GABBR2: variants seen among roughly 807,000 people sequenced by gnomAD.
GABBR2 encodes gamma-aminobutyric acid type B receptor subunit 2, also known as G-protein coupled receptor 51.
In GABBR2, 23 loss-of-function variants were observed where a neutral mutation model predicts 105.6. The observed-to-expected ratio is 0.22, with a 90% CI of 0.16 to 0.31. The LOEUF is 0.31. Ranked by LOEUF, GABBR2 falls within the 10% of genes least tolerant of loss-of-function variation. The pLI, the probability that GABBR2 is intolerant of heterozygous loss-of-function variation, is 1.00. For missense variants in GABBR2, 734 were observed against 1,245.5 expected, an observed-to-expected ratio of 0.59 and a Z score of 6.18; for synonymous variants, 478 against 499.7, an observed-to-expected ratio of 0.96 and a Z score of 0.58.
At chr9:98,634,081 A>C (rs1829849007) in intron 1 of GABBR2, among the ~76,000 whole-genome samples, 1 of 152,136 alleles carries the variant, frequency 6.6e-6, no homozygotes, top group African/African-American at 2.4e-5. Flanking sequence ...GTGGAGCCTT[A>C]AGTTGGGACC....
At chr9:98,311,330 T>A in intron 13 of GABBR2, 125 bp from the exon 14 acceptor site, 1 of 629,844 alleles carries the variant, frequency 1.6e-6, no homozygotes, top group South Asian at 1.9e-5. Flanking sequence ...GCAGGCCATT[T>A]GGACCCCATC....
intron 1 of GABBR2, among the ~76,000 whole-genome samples, chr9:98,661,872 C>T (rs1830269599): frequency 6.6e-6 from 1 of 152,130 alleles, no homozygotes; most frequent in Non-Finnish European, 1.5e-5. Context: ...TCAGAGCAGC[C>T]GGCATCCAGT....
At chr9:98,708,068 A>T (rs1029558691) in intron 1 of GABBR2, among the ~76,000 whole-genome samples, 4 of 152,138 alleles carry the variant, frequency 2.6e-5, no homozygotes, top group African/African-American at 7.2e-5. Context: ...CATGAGCGGG[A>T]CCTGGACAGG....
intron 11 of GABBR2, among the ~76,000 whole-genome samples, chr9:98,374,254 A>G (rs749596381): frequency 6.6e-6 from 1 of 152,138 alleles, no homozygotes; most frequent in Non-Finnish European, 1.5e-5. Context: ...GGCTAAATTC[A>G]CTCAATCATA....
chr9:98,659,506 TTTTTC>T (rs1432272482), intron 1 of GABBR2, among the ~76,000 whole-genome samples: 3 of 132,432 alleles, frequency 2.3e-5, no homozygotes, highest in Non-Finnish European at 4.7e-5. Context: ...TAAACAACCT[TTTTTC>T]TTTTCTTTTC....
intron 13 of GABBR2, among the ~76,000 whole-genome samples, chr9:98,329,928 T>C (rs1361375063): frequency 6.6e-6 from 1 of 151,998 alleles, no homozygotes; most frequent in Non-Finnish European, 1.5e-5. Flanking sequence ...TGAAAGTCAA[T>C]TGCAGACTCC....
chr9:98,453,931 C>T, intron 7 of GABBR2, 50 bp downstream of exon 7: 2 of 1,245,414 alleles, frequency 1.6e-6, no homozygotes, highest in Admixed American at 3.4e-5. Flanking sequence ...TTTTGCTTTG[C>T]ATGTTTACAA....
chr9:98,378,544 C>T (rs147709405), intron 11 of GABBR2, among the ~76,000 whole-genome samples: 2 of 152,332 alleles, frequency 1.3e-5, no homozygotes, highest in African/African-American at 4.8e-5. Context: ...GCATCAGGTA[C>T]TAATCTTATC....
At chr9:98,412,941 G>A (rs930980636) in intron 7 of GABBR2, among the ~76,000 whole-genome samples, 4 of 152,136 alleles carry the variant, frequency 2.6e-5, no homozygotes, top group South Asian at 4.1e-4. Context: ...ATTCCTACGC[G>A]GCTGTCTAGA....
At chr9:98,553,038 G>A (rs1258867342) in intron 2 of GABBR2, among the ~76,000 whole-genome samples, 1 of 151,800 alleles carries the variant, frequency 6.6e-6, no homozygotes, top group Admixed American at 6.6e-5. Context: ...ACCATGCCTG[G>A]CTATTTTTTT....
At chr9:98,641,647 A>G (rs1829963773) in intron 1 of GABBR2, among the ~76,000 whole-genome samples, 1 of 152,136 alleles carries the variant, frequency 6.6e-6, no homozygotes, top group African/African-American at 2.4e-5. Flanking sequence ...TTGCTCCCGA[A>G]ATTTATTGAT....
At chr9:98,330,524 G>A (rs933330379) in intron 13 of GABBR2, among the ~76,000 whole-genome samples, 7 of 152,106 alleles carry the variant, frequency 4.6e-5, no homozygotes, top group African/African-American at 1.7e-4. Context: ...TGAGTTACTT[G>A]CAACCGACAA....
At chr9:98,390,530 T>C (rs970968000) in intron 9 of GABBR2, among the ~76,000 whole-genome samples, 2 of 152,078 alleles carry the variant, frequency 1.3e-5, no homozygotes, top group African/African-American at 4.8e-5. Flanking sequence ...AGCAATTCCA[T>C]GTAAACTAAC....
At chr9:98,531,853 A>G (rs2131727801) in intron 3 of GABBR2, among the ~76,000 whole-genome samples, 1 of 152,002 alleles carries the variant, frequency 6.6e-6, no homozygotes, top group Admixed American at 6.5e-5. Flanking sequence ...CCCACTCCCC[A>G]CCCTTCACCC....
In GABBR2 at chr9:98,456,711, G is replaced by T. The variant is rs1277570251; in HGVS notation, c.1000-2494C>A. Among the ~76,000 whole-genome samples, 22 of 152,304 alleles carry T rather than the reference G, an allele frequency of 1.4e-4. No homozygotes were observed. In the South Asian group the frequency reaches 2.5e-3, roughly 17 times the overall value. On this transcript the variant is annotated intron_variant, in intron 6 of 18. Transcript: ENST00000259455. ...AGTTGTAATCCTACTGTGTATGAAA[G>T]TAGTCATTTCCCTGCATCCTTGACA...
intron 7 of GABBR2, among the ~76,000 whole-genome samples, chr9:98,437,489 A>C (rs1444640154): frequency 1.3e-5 from 2 of 150,586 alleles, no homozygotes; most frequent in Non-Finnish European, 3.0e-5. Flanking sequence ...ATCTATATCC[A>C]TCCACCTACC....
At chr9:98,676,316 C>A (rs1830477172) in intron 1 of GABBR2, among the ~76,000 whole-genome samples, 1 of 152,212 alleles carries the variant, frequency 6.6e-6, no homozygotes, top group Admixed American at 6.5e-5. Flanking sequence ...AAGCTTTTGA[C>A]CTTAGCAAGA....
chr9:98,419,456 G>A (rs535560569), intron 7 of GABBR2, among the ~76,000 whole-genome samples: 7 of 152,258 alleles, frequency 4.6e-5, no homozygotes, highest in East Asian at 3.9e-4. Flanking sequence ...CATGGCCGTC[G>A]GGGGCGGCCA....
rs555718527 is a variant in GABBR2, at chr9:98,588,347, A to G, written c.322-10275T>C. On this transcript the variant is annotated intron_variant, in intron 1 of 18. Coordinates refer to ENST00000259455, the MANE Select transcript of GABBR2 (RefSeq NM_005458.8). ...ACTAGGAGCTGTCCAGGAAACAGTAAGTTCATGTGACCTCTAAAAATTCTT... is the reference window on the plus strand; with the variant it reads ...ACTAGGAGCTGTCCAGGAAACAGTAGGTTCATGTGACCTCTAAAAATTCTT... 2.0e-5 allele frequency among the ~76,000 whole-genome samples: 3 copies of G among 152,372 alleles called. No homozygotes were observed. In the East Asian group the frequency reaches 5.8e-4, roughly 29 times the overall value.
Sources: gnomAD v4.1 joint callset for allele counts (sites outside exome capture counted in the v4.1 genomes callset) on GRCh38, gnomAD v4.1.1 for gene constraint, MANE v1.5 for transcripts, NCBI Gene and HGNC (gene_info 2026-07-23, HGNC 2026-07-21) for gene names.